CFAP47: variants seen among roughly 807,000 people sequenced by gnomAD.
CFAP47 encodes the protein cilia and flagella associated protein 47, also known as cilia- and flagella-associated protein 47.
In CFAP47, 29 loss-of-function variants were observed where a neutral mutation model predicts 148.1. The observed-to-expected ratio is 0.20, with a 90% CI of 0.15 to 0.27. The LOEUF is 0.27. Ranked by LOEUF, CFAP47 falls within the 10% of genes least tolerant of loss-of-function variation. The probability of loss-of-function intolerance (pLI) is 1.00; values close to 1 mark genes in which losing one functional copy is unlikely to be tolerated. For synonymous variants in CFAP47, 664 were observed against 577.3 expected, an observed-to-expected ratio of 1.15 and a Z score of -2.15; for missense variants, 1,872 against 1,697.5, an observed-to-expected ratio of 1.10 and a Z score of -1.81.
Position 35,919,955 on chromosome X carries a change from G to C in CFAP47, c.156G>C (p.Thr52=), listed in dbSNP as rs1935550625. 19 of 1,208,645 alleles carry C rather than the reference G, an allele frequency of 1.6e-5. No individual in the cohort carries two copies. The highest frequency in any genetic ancestry group is 2.1e-5 in the Non-Finnish European group (19 of 894,760). The stretch of plus-strand genomic sequence containing the variant: ...CGGCTGAGGTGAAGTTCCTGGACAC[G>C]ATGGCCGGGAGGGTGTACCGCCTCC... The part of the protein sequence containing the change: ...VIPAEVKFLD[T]MAGRVYRLPI... Residue 52 remains threonine (T), a synonymous_variant, in exon 1 of 64, where the codon ACG becomes ACC. Transcript: ENST00000378653.
intron 8 of CFAP47, among the ~76,000 whole-genome samples, chrX:35,963,312 A>G (rs1245163545): frequency 1.8e-5 from 2 of 110,412 alleles, no homozygotes; most frequent in South Asian, 7.5e-4. Flanking sequence ...CAGTAAGGAT[A>G]TATTATTTAG....
intron 1 of CFAP47, among the ~76,000 whole-genome samples, chrX:35,924,512 T>C (rs1056746560): frequency 9.7e-5 from 10 of 103,592 alleles, no homozygotes; most frequent in East Asian, 3.1e-4. Context: ...TAGGTGCACA[T>C]ATATGTGTAT....
At chrX:35,924,288 T>C (rs778797864) in intron 1 of CFAP47, among the ~76,000 whole-genome samples, 4 of 105,116 alleles carry the variant, frequency 3.8e-5, no homozygotes, top group Non-Finnish European at 3.9e-5. Context: ...TATATGTACA[T>C]GTATGTGTAC....
In CFAP47 at chrX:35,951,886, C is replaced by A; in HGVS notation, c.969C>A (p.Ile323=). ...IRKIKNIDTT[I]IISCLPNEGT... ...AAATAAAGAACATAGATACTACTAT[C>A]ATTATCTCCTGTCTTCCTAATGAAG... Residue 323 remains isoleucine, a synonymous_variant, in exon 6 of 64, where the codon ATC becomes ATA. Coordinates refer to ENST00000378653, the MANE Select transcript of CFAP47 (RefSeq NM_001304548.2). 1.7e-6 allele frequency: 2 copies of A among 1,176,373 alleles called. No homozygotes were observed. The highest frequency in any genetic ancestry group is 2.3e-6 in the Non-Finnish European group (2 of 884,982).
At chrX:36,350,976 A>G (rs1941739329) in intron 59 of CFAP47, among the ~76,000 whole-genome samples, 2 of 111,843 alleles carry the variant, frequency 1.8e-5, no homozygotes, top group South Asian at 7.3e-4. Context: ...GATGAGTTAA[A>G]ATAAGTCTTG....
At chrX:35,993,803 A>G (rs1158282948) in intron 18 of CFAP47, among the ~76,000 whole-genome samples, 1 of 111,474 alleles carries the variant, frequency 9.0e-6, no homozygotes, top group Admixed American at 9.5e-5. Flanking sequence ...TTTTCAAAGC[A>G]TTAGTTAGGT....
rs782615777 is a variant in CFAP47, at chrX:36,271,443, A to G, written c.7445-9044A>G. 7.2e-5 allele frequency among the ~76,000 whole-genome samples: 8 copies of G among 111,331 alleles called. 1 individual carries two copies. The South Asian group carries it at 2.3e-3, about 31-fold the overall frequency. The stretch of plus-strand genomic sequence containing the variant: ...GCAAAGACAGAAAATGCTTTGCCAG[A>G]TTTACCCATTACTATGGAAACTGGC... On this transcript the variant is annotated intron_variant, in intron 49 of 63. Transcript: ENST00000378653.
At chrX:36,103,900 C>G (rs1351056555) in intron 32 of CFAP47, among the ~76,000 whole-genome samples, 1 of 111,401 alleles carries the variant, frequency 9.0e-6, no homozygotes, top group Non-Finnish European at 1.9e-5. Flanking sequence ...TTCTTTTCAT[C>G]TTAATATCGC....
chrX:36,199,106 C>G (rs185047098), intron 42 of CFAP47, among the ~76,000 whole-genome samples: 3 of 111,894 alleles, frequency 2.7e-5, no homozygotes, highest in Non-Finnish European at 5.6e-5. Flanking sequence ...TTGTCTTATA[C>G]TTATTTGTAT....
intron 33 of CFAP47, among the ~76,000 whole-genome samples, chrX:36,122,772 C>G (rs1251079626): frequency 9.0e-6 from 1 of 111,577 alleles, no homozygotes; most frequent in Non-Finnish European, 1.9e-5. Context: ...TAAATGGTCA[C>G]CTATCTGTGT....
At chrX:36,381,335 T>G (rs901974429) in intron 63 of CFAP47, among the ~76,000 whole-genome samples, 5 of 111,921 alleles carry the variant, frequency 4.5e-5, no homozygotes, top group African/African-American at 1.6e-4. Context: ...ATTATATAAA[T>G]GGAACCATTA....
At chrX:36,318,234 T>TAACCAGTTAG (rs1556011397) in intron 56 of CFAP47, among the ~76,000 whole-genome samples, 1 of 112,649 alleles carries the variant, frequency 8.9e-6, no homozygotes, top group Admixed American at 9.4e-5. Context: ...ATTTGAAAAA[T>TAACCAGTTAG]AACCAGTTAG....
chrX:36,128,321 C>T (rs902616173), intron 33 of CFAP47, among the ~76,000 whole-genome samples: 1 of 110,930 alleles, frequency 9.0e-6, no homozygotes, highest in African/African-American at 3.3e-5. Context: ...TATGTTATGC[C>T]TATAAAGTAG....
intron 52 of CFAP47, 106 bp from the exon 53 acceptor site, chrX:36,300,966 G>A (rs894648239): frequency 4.4e-6 from 2 of 449,511 alleles, no homozygotes; most frequent in African/African-American, 5.1e-5. Flanking sequence ...GTCAAATGTT[G>A]TATTTAAAAC....
At chrX:36,192,283 T>A (rs12010524) in intron 42 of CFAP47, among the ~76,000 whole-genome samples, 24,076 of 110,371 alleles carry the variant, frequency 0.22, 2,651 homozygotes, top group African/African-American at 0.42. Context: ...ACAGAGCCAA[T>A]AATGTTTTGC....
intron 45 of CFAP47, among the ~76,000 whole-genome samples, chrX:36,212,911 G>A (rs140168197): frequency 0.057 from 6,302 of 110,146 alleles, 162 homozygotes; most frequent in Middle Eastern, 0.13. Context: ...CCAGGAGTTC[G>A]AGACCAGCCT....
intron 22 of CFAP47, among the ~76,000 whole-genome samples, chrX:36,024,734 G>A (rs768129013): frequency 5.4e-5 from 6 of 111,237 alleles, no homozygotes; most frequent in South Asian, 3.9e-4. Flanking sequence ...GGGCAGTACC[G>A]TACTGCCACT....
At chrX:36,066,215 A>C (rs1937638034) in intron 27 of CFAP47, among the ~76,000 whole-genome samples, 1 of 111,197 alleles carries the variant, frequency 9.0e-6, no homozygotes, top group African/African-American at 3.3e-5. Flanking sequence ...GCAGGGAGAA[A>C]TATGAAAGGC....
At chrX:36,016,033 G>A (rs951431122) in intron 22 of CFAP47, among the ~76,000 whole-genome samples, 1 of 109,965 alleles carries the variant, frequency 9.1e-6, no homozygotes, top group African/African-American at 3.3e-5. Context: ...CATAGTAGGT[G>A]TATATCTTTA....
Sources: allele counts gnomAD v4.1 joint callset (sites outside exome capture counted in the v4.1 genomes callset), GRCh38; gene constraint gnomAD v4.1.1; transcripts MANE v1.5; gene names NCBI Gene and HGNC (gene_info 2026-07-23, HGNC 2026-07-21).